SAMD5: variants seen among roughly 807,000 people sequenced by gnomAD.
SAMD5 encodes sterile alpha motif domain-containing protein 5.
Under a neutral mutation model 11.3 loss-of-function variants are expected in SAMD5, and 13 were observed. The observed-to-expected ratio is 1.15, with a 90% CI of 0.75 to 1.83. SAMD5 has a LOEUF of 1.83. SAMD5 is among the 40% of genes most tolerant of loss of function. SAMD5 has a pLI of 0.00. For synonymous variants in SAMD5, 129 were observed against 111.3 expected (o/e 1.16, Z -1.00); for missense variants, 255 against 239.1 (o/e 1.07, Z -0.44).
At chr6:147,838,591 C>T in the SAMD5 span, among the ~76,000 whole-genome samples, 1 of 139,780 alleles carries the variant, frequency 7.2e-6, no homozygotes, top group African/African-American at 2.7e-5. Flanking sequence ...TAGCCCTCAA[C>T]TTTTTGTTCC....
chr6:147,856,859 C>T, the SAMD5 span, among the ~76,000 whole-genome samples: 4 of 148,184 alleles, frequency 2.7e-5, no homozygotes, highest in Non-Finnish European at 4.4e-5. Flanking sequence ...TTTAAGCTTT[C>T]TGGAATTCTG....
intron 1 of SAMD5, among the ~76,000 whole-genome samples, chr6:147,601,742 G>A (rs1377390950): frequency 1.3e-5 from 2 of 152,154 alleles, no homozygotes; most frequent in Non-Finnish European, 2.9e-5. Flanking sequence ...TGTTCTTCAT[G>A]TCTCATATGG....
rs1033977635 is a variant in SAMD5, at chr6:147,711,144, A to G, written c.163-26173A>G. Reference sequence around the variant, plus strand: ...TTGTAGAGAGAAGGAATTGGTATTAATGGAGAACTTATTATTTATCCTACC... The same window carrying G: ...TTGTAGAGAGAAGGAATTGGTATTAGTGGAGAACTTATTATTTATCCTACC... On this transcript the variant is annotated intron_variant, in intron 1 of 1. Coordinates refer to the SAMD5 transcript ENST00000566741. The surrounding 1 kb of genome is among the most constrained non-coding windows in gnomAD (Gnocchi z 4.1). Among the ~76,000 whole-genome samples, 5 of 152,150 alleles carry G rather than the reference A, an allele frequency of 3.3e-5. No individual in the cohort carries two copies. The highest frequency in any genetic ancestry group is 4.4e-5 in the Non-Finnish European group (3 of 68,026).
the SAMD5 span, among the ~76,000 whole-genome samples, chr6:147,874,028 T>C: frequency 1.3e-5 from 2 of 152,234 alleles, no homozygotes; most frequent in Non-Finnish European, 2.9e-5. Flanking sequence ...TTTAAAAAAA[T>C]GTACCATGTA....
At chr6:147,799,419 G>T in the SAMD5 span, among the ~76,000 whole-genome samples, 3 of 151,692 alleles carry the variant, frequency 2.0e-5, no homozygotes, top group Admixed American at 1.3e-4. Flanking sequence ...TGGCTTGTAG[G>T]GTTTCTGCCG....
chr6:147,739,528 G>T (rs1791849596), downstream of SAMD5, among the ~76,000 whole-genome samples: 1 of 152,110 alleles, frequency 6.6e-6, no homozygotes, highest in African/African-American at 2.4e-5. Context: ...AGCCCAGGAG[G>T]TCAAGGCTGC....
chr6:147,826,899 G>C, the SAMD5 span, among the ~76,000 whole-genome samples: 1 of 152,154 alleles, frequency 6.6e-6, no homozygotes, highest in South Asian at 2.1e-4. Context: ...AAAACATGCA[G>C]CAGTGGGTTT....
At chr6:147,747,236 A>G in the SAMD5 span, among the ~76,000 whole-genome samples, 2 of 152,152 alleles carry the variant, frequency 1.3e-5, no homozygotes, top group African/African-American at 2.4e-5. Flanking sequence ...TTTTTTGGGA[A>G]GTGCTACCGC....
At chr6:147,808,968 T>C in the SAMD5 span, among the ~76,000 whole-genome samples, 1 of 152,218 alleles carries the variant, frequency 6.6e-6, no homozygotes, top group African/African-American at 2.4e-5. Flanking sequence ...TTTTGCTGTA[T>C]ATTTATAAAC....
At chr6:147,601,827 T>G (rs1562330718) in intron 1 of SAMD5, among the ~76,000 whole-genome samples, 1 of 152,164 alleles carries the variant, frequency 6.6e-6, no homozygotes, top group Non-Finnish European at 1.5e-5. Context: ...GTGAATGCAA[T>G]TATGCATTTT....
intron 1 of SAMD5, among the ~76,000 whole-genome samples, chr6:147,659,189 T>G (rs1419824119): frequency 6.6e-6 from 1 of 152,188 alleles, no homozygotes; most frequent in African/African-American, 2.4e-5. Context: ...AATAGGTTAA[T>G]AGGTATTCTT....
intron 1 of SAMD5, among the ~76,000 whole-genome samples, chr6:147,652,548 AC>A (rs1225221605): frequency 6.6e-6 from 1 of 152,148 alleles, no homozygotes; most frequent in Non-Finnish European, 1.5e-5. Flanking sequence ...CATGTGAGAC[AC>A]CATGGTTCAG....
chr6:147,882,745 A>G, the SAMD5 span, among the ~76,000 whole-genome samples: 11 of 152,378 alleles, frequency 7.2e-5, no homozygotes, highest in East Asian at 2.1e-3. Flanking sequence ...TGTTTAAAAC[A>G]AAAACTTGCC....
intron 1 of SAMD5, among the ~76,000 whole-genome samples, chr6:147,550,641 A>T (rs895196522): frequency 8.5e-5 from 13 of 152,164 alleles, no homozygotes; most frequent in Non-Finnish European, 1.6e-4. Context: ...GTTAAGTTAA[A>T]CTATTCAGAA....
At chr6:147,622,180 A>G (rs1470129938) in intron 1 of SAMD5, among the ~76,000 whole-genome samples, 1 of 152,164 alleles carries the variant, frequency 6.6e-6, no homozygotes, top group Non-Finnish European at 1.5e-5. Flanking sequence ...CCCACTGTGG[A>G]TACCAAAATC....
chr6:147,542,429 G>A (rs1031604700), intron 1 of SAMD5, among the ~76,000 whole-genome samples: 2 of 152,214 alleles, frequency 1.3e-5, no homozygotes, highest in African/African-American at 4.8e-5. Flanking sequence ...AATTCACACA[G>A]AGCCGTCTGT....
intron 1 of SAMD5, among the ~76,000 whole-genome samples, chr6:147,671,454 G>A (rs568945870): frequency 1.8e-4 from 28 of 152,200 alleles, no homozygotes; most frequent in African/African-American, 5.3e-4. Context: ...TTTGATATAC[G>A]GATTAATATA....
chr6:147,883,942 A>G, the SAMD5 span, among the ~76,000 whole-genome samples: 2 of 152,212 alleles, frequency 1.3e-5, no homozygotes, highest in South Asian at 4.1e-4. Context: ...TTGCTCAAGA[A>G]TTCAAATTTA....
chr6:147,913,840 C>T, the SAMD5 span, among the ~76,000 whole-genome samples: 14 of 152,322 alleles, frequency 9.2e-5, no homozygotes, highest in East Asian at 3.9e-4. Flanking sequence ...CATTCACATA[C>T]GTGTGTGCAT....
Sources: gnomAD v4.1 joint callset for allele counts (sites outside exome capture counted in the v4.1 genomes callset) on GRCh38, gnomAD v4.1.1 for gene constraint, Gnocchi (gnomAD v3.1) non-coding constraint, MANE v1.5 for transcripts, NCBI Gene and HGNC (gene_info 2026-07-23, HGNC 2026-07-21) for gene names.